The following SPAG16 variants were observed in gnomAD, a reference collection of about 807,000 sequenced individuals.
SPAG16 encodes the protein sperm-associated antigen 16 protein.
A neutral mutation model predicts 80.4 loss-of-function variants in SPAG16; 86 were observed. That is an observed-to-expected ratio of 1.07 (90% confidence interval 0.90 to 1.28). SPAG16 has a LOEUF of 1.28. Ranked by LOEUF, SPAG16 falls within the 50% of genes most tolerant of loss-of-function variation. The pLI is 0.00. For missense variants in SPAG16, 870 were observed against 765.3 expected (o/e 1.14, Z -1.61); for synonymous variants, 294 against 265.9 (o/e 1.11, Z -1.03).
intron 10 of SPAG16, among the ~76,000 whole-genome samples, chr2:213,766,715 C>T (rs549766141): frequency 1.3e-5 from 2 of 152,222 alleles, no homozygotes; most frequent in Admixed American, 1.3e-4. Context: ...AAGTGAAGTA[C>T]AGGCTACTGA....
intron 11 of SPAG16, among the ~76,000 whole-genome samples, chr2:213,891,083 C>T (rs995088531): frequency 1.3e-5 from 2 of 151,844 alleles, no homozygotes; most frequent in Non-Finnish European, 2.9e-5. Flanking sequence ...TTAATTTTTA[C>T]ACTTTATTAA....
intron 10 of SPAG16, among the ~76,000 whole-genome samples, chr2:213,847,862 G>GAC (rs71063790): frequency 0.031 from 4,663 of 149,952 alleles, 129 homozygotes; most frequent in African/African-American, 0.074. Flanking sequence ...ATAAACAAAT[G>GAC]ACACACACAC....
intron 10 of SPAG16, among the ~76,000 whole-genome samples, chr2:213,546,433 A>G (rs992485239): frequency 2.0e-5 from 3 of 152,178 alleles, no homozygotes; most frequent in African/African-American, 7.2e-5. Context: ...ATTTATTTAT[A>G]GTGCTCAGAT....
chr2:213,458,046 C>T (rs966628164), intron 9 of SPAG16, among the ~76,000 whole-genome samples: 1 of 151,982 alleles, frequency 6.6e-6, no homozygotes, highest in African/African-American at 2.4e-5. Context: ...TTACTTCTTC[C>T]CAGGATCTTT....
chr2:213,879,937 A>G (rs1382020478), intron 11 of SPAG16, among the ~76,000 whole-genome samples: 1 of 152,198 alleles, frequency 6.6e-6, no homozygotes, highest in Admixed American at 6.5e-5. Flanking sequence ...AAGTGCAGCA[A>G]TGAACATATG....
At chr2:213,545,153 T>C (rs1316056460) in intron 10 of SPAG16, among the ~76,000 whole-genome samples, 1 of 152,154 alleles carries the variant, frequency 6.6e-6, no homozygotes, top group African/African-American at 2.4e-5. Context: ...TTGTGGTTTA[T>C]GGTCATTCTA....
chr2:213,825,493 T>C (rs1312504294), intron 10 of SPAG16, among the ~76,000 whole-genome samples: 2 of 152,128 alleles, frequency 1.3e-5, no homozygotes, highest in Admixed American at 6.6e-5. Context: ...ATATGGTTTT[T>C]TTCCTTCATT....
intron 9 of SPAG16, among the ~76,000 whole-genome samples, chr2:213,463,843 G>T (rs2072522645): frequency 1.3e-5 from 2 of 152,208 alleles, no homozygotes; most frequent in South Asian, 4.1e-4. Flanking sequence ...TTCAGCAAGT[G>T]CGAGGGAGTG....
intron 10 of SPAG16, among the ~76,000 whole-genome samples, chr2:213,763,772 G>C (rs1220051679): frequency 6.6e-6 from 1 of 152,276 alleles, no homozygotes; most frequent in East Asian, 1.9e-4. Flanking sequence ...CACTCATGAT[G>C]CCAAGATCTG....
chr2:213,321,128 C>G (rs13391569), intron 5 of SPAG16, among the ~76,000 whole-genome samples: 2 of 151,712 alleles, frequency 1.3e-5, no homozygotes, highest in Non-Finnish European at 2.9e-5. Context: ...AAATAGATAT[C>G]AAATACTTTT....
At chr2:213,602,718 G>C (rs2061113540) in intron 10 of SPAG16, among the ~76,000 whole-genome samples, 1 of 152,156 alleles carries the variant, frequency 6.6e-6, no homozygotes, top group Non-Finnish European at 1.5e-5. Flanking sequence ...ATAATTTCCT[G>C]CATATTATTT....
At chr2:213,411,193 G>C (rs2068946582) in intron 9 of SPAG16, among the ~76,000 whole-genome samples, 1 of 152,178 alleles carries the variant, frequency 6.6e-6, no homozygotes, top group Non-Finnish European at 1.5e-5. Flanking sequence ...CCAGAGGAAG[G>C]AAAAATAAGA....
intron 1 of SPAG16, among the ~76,000 whole-genome samples, chr2:213,287,555 G>T (rs2062100198): frequency 6.6e-6 from 1 of 152,150 alleles, no homozygotes; most frequent in African/African-American, 2.4e-5. Flanking sequence ...CCCTCAATAT[G>T]GACATCTGGC....
chr2:214,352,155 T>TATA (rs1311050545), intron 15 of SPAG16, among the ~76,000 whole-genome samples: 9 of 152,120 alleles, frequency 5.9e-5, no homozygotes, highest in African/African-American at 2.2e-4. Flanking sequence ...CTCCCAAAGG[T>TATA]CCCACCTCTT....
intron 10 of SPAG16, among the ~76,000 whole-genome samples, chr2:213,650,869 G>T (rs1378586668): frequency 6.6e-6 from 1 of 152,106 alleles, no homozygotes; most frequent in Non-Finnish European, 1.5e-5. Context: ...AATTTTCAGG[G>T]TTCCATTTAT....
intron 15 of SPAG16, among the ~76,000 whole-genome samples, chr2:214,369,896 C>T (rs1657720265): frequency 6.6e-6 from 1 of 152,114 alleles, no homozygotes; most frequent in African/African-American, 2.4e-5. Flanking sequence ...ATCATGTCCC[C>T]ACTCAACTAA....
At chr2:213,451,902 C>T (rs2071714928) in intron 9 of SPAG16, among the ~76,000 whole-genome samples, 1 of 152,118 alleles carries the variant, frequency 6.6e-6, no homozygotes, top group Non-Finnish European at 1.5e-5. Context: ...TTTCTTGCAG[C>T]TGCAGGTGTC....
At chr2:214,326,712 G>T (rs554662752) in intron 15 of SPAG16, among the ~76,000 whole-genome samples, 1 of 152,038 alleles carries the variant, frequency 6.6e-6, no homozygotes, top group South Asian at 2.1e-4. Flanking sequence ...TTGGGAGGCC[G>T]AGGCAGGCGG....
chr2:213,834,117 C>T (rs2073951886), intron 10 of SPAG16, among the ~76,000 whole-genome samples: 1 of 152,080 alleles, frequency 6.6e-6, no homozygotes, highest in African/African-American at 2.4e-5. Context: ...TTTTCTCTTG[C>T]CACTGCCACG....
Sources: allele counts gnomAD v4.1 joint callset (sites outside exome capture counted in the v4.1 genomes callset), GRCh38; gene constraint gnomAD v4.1.1; transcripts MANE v1.5; gene names NCBI Gene and HGNC (gene_info 2026-07-23, HGNC 2026-07-21).